The following ENOX2 variants were observed in gnomAD, a reference collection of about 807,000 sequenced individuals.
ENOX2 encodes the protein APK1 antigen.
ENOX2 carries 36 observed loss-of-function variants against 45.0 expected under a neutral mutation model. That is an observed-to-expected ratio of 0.80 (90% CI 0.61 to 1.06). The LOEUF (loss-of-function observed/expected upper bound fraction) is 1.06. Ranked by LOEUF, ENOX2 falls within the 50% of genes least tolerant of loss-of-function variation. The pLI, the probability that ENOX2 is intolerant of heterozygous loss-of-function variation, is 0.00. For missense variants in ENOX2, 423 were observed against 462.5 expected, an observed-to-expected ratio of 0.91 and a Z score of 0.78; for synonymous variants, 174 against 152.3, an observed-to-expected ratio of 1.14 and a Z score of -1.05.
chrX:130,838,022 G>A (rs1467920447), intron 2 of ENOX2, among the ~76,000 whole-genome samples: 2 of 111,889 alleles, frequency 1.8e-5, no homozygotes, highest in Non-Finnish European at 3.8e-5. Context: ...GCATCTCTCT[G>A]CTTTATATTA....
At chrX:130,822,864 A>G (rs1251691486) in intron 2 of ENOX2, among the ~76,000 whole-genome samples, 1 of 112,453 alleles carries the variant, frequency 8.9e-6, no homozygotes, top group Non-Finnish European at 1.9e-5. Context: ...CTGTAGGCTA[A>G]TATAAGTGTT....
Position 130,883,627 on chromosome X carries a change from T to A in ENOX2, c.-183+18057A>T, listed in dbSNP as rs2078856818. Reference sequence around the variant, plus strand: ...AATATGAATAAATTTTCGAATTTGTTAATATTCTTGGTGATCCCCTTAAAT... The same window carrying A: ...AATATGAATAAATTTTCGAATTTGTAAATATTCTTGGTGATCCCCTTAAAT... On this transcript the variant is annotated intron_variant, in intron 2 of 14. Transcript: ENST00000394363. Among the ~76,000 whole-genome samples the A allele has an allele frequency of 2.7e-5, 3 of 111,779 alleles. No homozygotes were observed. In the South Asian group the frequency reaches 1.1e-3, roughly 42 times the overall value.
chrX:130,674,624 T>C (rs1436474776), intron 6 of ENOX2, among the ~76,000 whole-genome samples: 2 of 111,841 alleles, frequency 1.8e-5, no homozygotes, highest in Non-Finnish European at 3.8e-5. Flanking sequence ...CTTTTTTTAT[T>C]ATTATTATCA....
chrX:130,860,054 C>T (rs2078384928), intron 2 of ENOX2, among the ~76,000 whole-genome samples: 1 of 110,250 alleles, frequency 9.1e-6, no homozygotes, highest in African/African-American at 3.3e-5. Flanking sequence ...CTCCTGGGAT[C>T]AAGCGATTCT....
Position 130,703,178 on chromosome X carries a change from T to C in ENOX2, c.39A>G (p.Thr13=). ...GTGCCATTCCAAGATTATTCATTGC[T>C]GTGGCCCATGCAGTTGGATCAGACA... ...LPMSDPTAWA[T]AMNNLGMAPL... Residue 13 remains threonine, a synonymous_variant, in exon 4 of 15, where the codon ACA becomes ACG. Transcript: ENST00000394363. The C allele has an allele frequency of 8.3e-7, 1 of 1,208,763 alleles. No individual in the cohort carries two copies.
intron 3 of ENOX2, among the ~76,000 whole-genome samples, chrX:130,729,616 A>C (rs958524161): frequency 1.8e-5 from 2 of 112,045 alleles, no homozygotes; most frequent in African/African-American, 6.5e-5. Context: ...ATAATATGGA[A>C]ACGTAAATTT....
intron 3 of ENOX2, among the ~76,000 whole-genome samples, chrX:130,715,959 C>A (rs1269801226): frequency 9.0e-6 from 1 of 111,635 alleles, no homozygotes; most frequent in Non-Finnish European, 1.9e-5. Flanking sequence ...AATATACTAA[C>A]AATGGTGGGC....
chrX:130,814,004 T>C (rs1406149424), intron 2 of ENOX2, among the ~76,000 whole-genome samples: 1 of 112,401 alleles, frequency 8.9e-6, no homozygotes, highest in Non-Finnish European at 1.9e-5. Context: ...CTTGAAATTC[T>C]CGCTGCTAGC....
chrX:130,788,751 T>A (rs2077002326), intron 2 of ENOX2, among the ~76,000 whole-genome samples: 1 of 112,147 alleles, frequency 8.9e-6, no homozygotes, highest in South Asian at 3.7e-4. Context: ...TAAAACCTCA[T>A]ACTTCGTTCA....
In ENOX2 at chrX:130,628,045, TAC is replaced by T; in HGVS notation, c.1529-4_1529-3del. On this transcript the variant is annotated splice_polypyrimidine_tract_variant and splice_region_variant and intron_variant, in intron 13 of 14. Coordinates refer to ENST00000394363, the MANE Select transcript of ENOX2 (RefSeq NM_006375.4). ...CATGAAGGAATGTGGAGATAATCCC[TAC>T]AGAGACAAGAGCATGGAGGTTATAC... 1.0e-5 allele frequency: 12 copies of T among 1,172,342 alleles called. No homozygotes were observed. Among genetic ancestry groups the T allele is most frequent in the Non-Finnish European group, 1.3e-5 (11 of 859,591 alleles).
At chrX:130,646,167 T>C (rs1435501939) in intron 10 of ENOX2, 5 of 503,851 alleles carry the variant, frequency 9.9e-6, no homozygotes, top group Non-Finnish European at 1.5e-5. Context: ...ATCAAGCAGC[T>C]GTGGCATTCC....
chrX:130,768,622 C>T (rs1037665016), intron 3 of ENOX2, among the ~76,000 whole-genome samples: 7 of 111,950 alleles, frequency 6.3e-5, no homozygotes, highest in Admixed American at 5.7e-4. Context: ...GCTACAAATT[C>T]TTGTCCTGGA....
intron 2 of ENOX2, among the ~76,000 whole-genome samples, chrX:130,895,402 T>C (rs769124564): frequency 8.9e-6 from 1 of 111,858 alleles, no homozygotes; most frequent in South Asian, 3.8e-4. Flanking sequence ...TTATTAGCAG[T>C]TGTTGCTGGC....
intron 3 of ENOX2, among the ~76,000 whole-genome samples, chrX:130,782,649 GTAA>G (rs2076913958): frequency 8.9e-6 from 1 of 111,850 alleles, no homozygotes; most frequent in South Asian, 3.7e-4. Context: ...AAAGTAAAAA[GTAA>G]TAATAAAAAA....
intron 2 of ENOX2, among the ~76,000 whole-genome samples, chrX:130,874,684 T>C (rs1014272934): frequency 1.8e-5 from 2 of 111,942 alleles, no homozygotes; most frequent in Non-Finnish European, 3.8e-5. Flanking sequence ...AAAGGCATCT[T>C]GCTAGGATCC....
chrX:130,802,689 T>C (rs918836728), intron 2 of ENOX2, among the ~76,000 whole-genome samples: 1 of 111,997 alleles, frequency 8.9e-6, no homozygotes, highest in African/African-American at 3.2e-5. Flanking sequence ...TTAGGGGTCC[T>C]AGTCAACAGG....
At chrX:130,902,815 C>CAAA (rs763644761) in intron 1 of ENOX2, among the ~76,000 whole-genome samples, 2 of 48,808 alleles carry the variant, frequency 4.1e-5, no homozygotes, top group Non-Finnish European at 8.0e-5. Context: ...CGAGTTGGAC[C>CAAA]AAAAAAAAAA....
intron 2 of ENOX2, among the ~76,000 whole-genome samples, chrX:130,848,820 ACAAAAAAAAAC>A (rs1348171941): frequency 9.0e-6 from 1 of 110,814 alleles, no homozygotes; most frequent in Non-Finnish European, 1.9e-5. Context: ...AACAAAACAA[ACAAAAAAAAAC>A]CAAAAAAAAA....
rs140566637 is a variant in ENOX2, at chrX:130,626,101, A to T, written c.1615-656T>A. On this transcript the variant is annotated intron_variant, in intron 14 of 14. Coordinates refer to ENST00000394363, the MANE Select transcript of ENOX2 (RefSeq NM_006375.4). ...AAAGAGCACCAGGGGATCCTGAAAG[A>T]CACCCAGAGTTGGTGTCACAGTGAA... 8.6e-3 allele frequency among the ~76,000 whole-genome samples: 963 copies of T among 111,755 alleles called. 7 individuals are homozygous for T. Among genetic ancestry groups the T allele is most frequent in the Middle Eastern group, 0.018 (4 of 218 alleles).
Sources: gnomAD v4.1 joint callset for allele counts (sites outside exome capture counted in the v4.1 genomes callset) on GRCh38, gnomAD v4.1.1 for gene constraint, MANE v1.5 for transcripts, NCBI Gene and HGNC (gene_info 2026-07-23, HGNC 2026-07-21) for gene names.